WWOX: variants seen among roughly 807,000 people sequenced by gnomAD.
WWOX encodes the protein WW domain-containing oxidoreductase.
A neutral mutation model predicts 46.2 loss-of-function variants in WWOX; 69 were observed. That is an observed-to-expected ratio of 1.49 (90% confidence interval 1.23 to 1.82). WWOX has a LOEUF of 1.82. Among genes scored for constraint, WWOX ranks in the 40% most tolerant of loss-of-function variants. The probability of loss-of-function intolerance (pLI) is 0.00; values close to 1 mark genes in which losing one functional copy is unlikely to be tolerated. For missense variants in WWOX, 919 were observed against 542.6 expected (o/e 1.69, Z -6.89); for synonymous variants, 359 against 202.6 (o/e 1.77, Z -6.56).
chr16:78,225,321 C>T (rs1259294129), intron 5 of WWOX, among the ~76,000 whole-genome samples: 1 of 152,070 alleles, frequency 6.6e-6, no homozygotes, highest in Admixed American at 6.5e-5. Context: ...CTGATGGGAT[C>T]GGCATTGTGT....
chr16:78,099,696 T>C lies in WWOX; in HGVS notation c.-83T>C. The stretch of plus-strand genomic sequence containing the variant: ...GCGGTCGGGCCCCGACGCGCGCGGG[T>C]CTCGTTTGGAGCGGGAGTGAGTTCC... On this transcript the variant is annotated 5_prime_UTR_variant, in exon 1 of 9. Transcript: ENST00000566780. 6.9e-7 allele frequency: 1 copy of C among 1,448,002 alleles called. No homozygotes were observed. The highest frequency in any genetic ancestry group is 9.1e-7 in the Non-Finnish European group (1 of 1,099,654). 89.7% of individuals were successfully genotyped at this position (1,448,002 alleles called of 1,614,324 possible). A position where few individuals can be genotyped will look rare whatever the true frequency, so the allele number is the denominator to read the frequency against.
At chr16:78,861,358 G>T (rs1193234203) in intron 8 of WWOX, among the ~76,000 whole-genome samples, 1 of 152,012 alleles carries the variant, frequency 6.6e-6, no homozygotes, top group Non-Finnish European at 1.5e-5. Flanking sequence ...ATTATTTTTG[G>T]CTCCAGCTTA....
At chr16:78,580,064 T>C (rs2045010405) in intron 8 of WWOX, among the ~76,000 whole-genome samples, 2 of 150,984 alleles carry the variant, frequency 1.3e-5, no homozygotes, top group Admixed American at 1.3e-4. Flanking sequence ...CTGTTTTCTT[T>C]GACAGAGGAA....
intron 6 of WWOX, among the ~76,000 whole-genome samples, chr16:78,409,799 C>T (rs1162102346): frequency 6.6e-6 from 1 of 152,212 alleles, no homozygotes; most frequent in African/African-American, 2.4e-5. Context: ...CCCACAACAT[C>T]TTCAAAACCA....
At chr16:78,579,555 G>T (rs560853544) in intron 8 of WWOX, among the ~76,000 whole-genome samples, 1 of 152,110 alleles carries the variant, frequency 6.6e-6, no homozygotes, top group African/African-American at 2.4e-5. Context: ...GCTGTGGTGC[G>T]CCAGAGACTG....
chr16:78,264,009 T>G (rs1447522607), intron 5 of WWOX, among the ~76,000 whole-genome samples: 2 of 139,326 alleles, frequency 1.4e-5, no homozygotes, highest in Admixed American at 7.5e-5. Context: ...TTTTTTTTTT[T>G]TTTTTTGTTT....
At chr16:78,183,863 G>C (rs1017368427) in intron 5 of WWOX, among the ~76,000 whole-genome samples, 1 of 152,168 alleles carries the variant, frequency 6.6e-6, no homozygotes, top group African/African-American at 2.4e-5. Flanking sequence ...TGCAGTGTTG[G>C]ATTTTGTAGG....
rs775026119 is a variant in WWOX, at chr16:78,343,131, C to T, written c.517-43729C>T. 3.4e-4 allele frequency among the ~76,000 whole-genome samples: 41 copies of T among 120,044 alleles called. 14 individuals carry two copies. The highest frequency in any genetic ancestry group is 1.2e-3 in the African/African-American group (41 of 35,284). The allele number at this position is 120,044 out of a possible 152,430, so 78.8% of individuals were successfully genotyped here. A position where few individuals can be genotyped will look rare whatever the true frequency, so the allele number is the denominator to read the frequency against. On this transcript the variant is annotated intron_variant, in intron 5 of 8. Transcript: ENST00000566780. ...TGTCAACATAAGCCTCATGAGACAA[C>T]AGCAGGATGCAAGATTGTACAATGA...
rs2047581438 is a variant in WWOX at position 78,675,705 on chromosome 16, T to TG, written c.1056+242955dup. On this transcript the variant is annotated intron_variant, in intron 8 of 8. Transcript: ENST00000566780. ...AACATGACTTTCTGGCCAGGCGCAG[T>TG]GGCTCATGCCTATAACCCTGCACTT... is the stretch of plus-strand genomic sequence containing the variant. 2.0e-5 allele frequency among the ~76,000 whole-genome samples: 3 copies of TG among 152,168 alleles called. No homozygotes were observed. The South Asian group carries it at 6.2e-4, about 31-fold the overall frequency.
intron 8 of WWOX, chr16:78,898,446 T>A (rs1221316542): frequency 6.6e-6 from 1 of 152,192 alleles, no homozygotes; most frequent in Non-Finnish European, 1.5e-5. Flanking sequence ...AAAAATCAGT[T>A]GACTATATAT....
At chr16:78,294,360 T>C (rs925279127) in intron 5 of WWOX, among the ~76,000 whole-genome samples, 11 of 152,102 alleles carry the variant, frequency 7.2e-5, no homozygotes, top group African/African-American at 2.7e-4. Flanking sequence ...CCCCTTCCAC[T>C]CAGAAAAATG....
Position 78,593,723 on chromosome 16 carries a change from A to C in WWOX, c.1056+160971A>C, listed in dbSNP as rs192982036. Among the ~76,000 whole-genome samples, 414 of 79,940 alleles carry C rather than the reference A, an allele frequency of 5.2e-3. 1 individual carries two copies. The highest frequency in any genetic ancestry group is 7.7e-3 in the Non-Finnish European group (324 of 42,000). The allele number at this position is 79,940 out of a possible 152,430, so 52.4% of individuals were successfully genotyped here. A position where few individuals can be genotyped will look rare whatever the true frequency, so the allele number is the denominator to read the frequency against. ...ACAACAGAGGAAAACTGCCTGTTGT[A>C]GTTAAAAAAAAAAAGAGAGAGAGAG... On this transcript the variant is annotated intron_variant, in intron 8 of 8. Transcript: ENST00000566780.
intron 8 of WWOX, among the ~76,000 whole-genome samples, chr16:78,900,630 C>G (rs866673466): frequency 6.6e-6 from 1 of 152,096 alleles, no homozygotes; most frequent in East Asian, 1.9e-4. Context: ...TTCTTTCCAG[C>G]CTGTCTTTCC....
chr16:78,205,671 A>G (rs996616706), intron 5 of WWOX, among the ~76,000 whole-genome samples: 1 of 151,038 alleles, frequency 6.6e-6, no homozygotes, highest in Non-Finnish European at 1.5e-5. Context: ...CTACCCTTTC[A>G]TACATCCATA....
At chr16:78,531,136 A>G (rs1567625752) in intron 8 of WWOX, among the ~76,000 whole-genome samples, 1 of 152,088 alleles carries the variant, frequency 6.6e-6, no homozygotes, top group South Asian at 2.1e-4. Flanking sequence ...TTTGGTAGAG[A>G]ACCTTGCTAG....
intron 5 of WWOX, among the ~76,000 whole-genome samples, chr16:78,273,875 C>T (rs190992611): frequency 1.3e-4 from 20 of 152,246 alleles, no homozygotes; most frequent in East Asian, 1.9e-4. Flanking sequence ...GAATTCATGA[C>T]GCCTGTGGGG....
At chr16:78,567,585 T>G (rs1252300903) in intron 8 of WWOX, among the ~76,000 whole-genome samples, 7 of 149,016 alleles carry the variant, frequency 4.7e-5, no homozygotes, top group Admixed American at 2.7e-4. Context: ...AGAAGTGAGT[T>G]TTTTTTGTGT....
chr16:78,773,221 T>C (rs1030217858), intron 8 of WWOX, among the ~76,000 whole-genome samples: 4 of 152,220 alleles, frequency 2.6e-5, no homozygotes, highest in Non-Finnish European at 5.9e-5. Flanking sequence ...ATATTTGTTC[T>C]ATTAATAAGT....
intron 4 of WWOX, among the ~76,000 whole-genome samples, chr16:78,163,295 G>C (rs1022189868): frequency 6.6e-6 from 1 of 152,152 alleles, no homozygotes; most frequent in Non-Finnish European, 1.5e-5. Context: ...ATCAAACTAG[G>C]AATTGAAATG....
Sources: gnomAD v4.1 joint callset for allele counts (sites outside exome capture counted in the v4.1 genomes callset) on GRCh38, gnomAD v4.1.1 for gene constraint, MANE v1.5 for transcripts, NCBI Gene and HGNC (gene_info 2026-07-23, HGNC 2026-07-21) for gene names.